NRG3: variants seen among roughly 807,000 people sequenced by gnomAD.
NRG3 encodes neuregulin 3, also known as pro-neuregulin-3, membrane-bound isoform.
A neutral mutation model predicts 66.9 loss-of-function variants in NRG3; 31 were observed. That is an observed-to-expected ratio of 0.46 (90% CI 0.35 to 0.63). The LOEUF is 0.63. Among genes scored for constraint, NRG3 ranks in the 20% least tolerant of loss-of-function variants. NRG3 has a pLI of 0.00. For synonymous variants in NRG3, 393 were observed against 359.4 expected, an observed-to-expected ratio of 1.09 and a Z score of -1.06; for missense variants, 910 against 878.9, an observed-to-expected ratio of 1.04 and a Z score of -0.45.
At chr10:82,612,271 G>A (rs958388903) in intron 2 of NRG3, among the ~76,000 whole-genome samples, 1 of 151,932 alleles carries the variant, frequency 6.6e-6, no homozygotes, top group Non-Finnish European at 1.5e-5. Flanking sequence ...TCTTAACGTT[G>A]TATGTCTTCC....
chr10:82,939,774 A>G (rs1051008750), intron 4 of NRG3, among the ~76,000 whole-genome samples: 2 of 151,716 alleles, frequency 1.3e-5, no homozygotes, highest in East Asian at 2.0e-4. Context: ...CCACCTTTCA[A>G]TGTTTTTTTA....
chr10:82,390,654 A>G (rs1202819580), intron 2 of NRG3, among the ~76,000 whole-genome samples: 1 of 152,162 alleles, frequency 6.6e-6, no homozygotes, highest in African/African-American at 2.4e-5. Context: ...GTCTTAACCT[A>G]GAGGTTAGCT....
intron 1 of NRG3, among the ~76,000 whole-genome samples, chr10:81,951,923 C>G (rs532006848): frequency 2.0e-5 from 3 of 152,202 alleles, no homozygotes; most frequent in Non-Finnish European, 4.4e-5. Flanking sequence ...ACATATACAC[C>G]ATGGAATACT....
At chr10:82,547,258 C>T (rs889628125) in intron 2 of NRG3, among the ~76,000 whole-genome samples, 1 of 151,764 alleles carries the variant, frequency 6.6e-6, no homozygotes, top group Non-Finnish European at 1.5e-5. Context: ...ATTTTATCCA[C>T]TTTAAATGGT....
chr10:82,938,758 TAGAAG>T (rs1022858695), intron 4 of NRG3, among the ~76,000 whole-genome samples: 27 of 152,328 alleles, frequency 1.8e-4, no homozygotes, highest in African/African-American at 5.8e-4. Flanking sequence ...AGGTCACAGC[TAGAAG>T]ATTCCCTTAA....
chr10:82,123,864 G>A (rs1168446629), intron 1 of NRG3, among the ~76,000 whole-genome samples: 1 of 149,900 alleles, frequency 6.7e-6, no homozygotes, highest in Admixed American at 6.7e-5. Flanking sequence ...GCAGCAATTG[G>A]CATTAGTTTC....
At chr10:82,223,270 A>G (rs1378720504) in intron 1 of NRG3, among the ~76,000 whole-genome samples, 1 of 152,186 alleles carries the variant, frequency 6.6e-6, no homozygotes, top group Non-Finnish European at 1.5e-5. Context: ...GGTCTAGAAC[A>G]TGGATAAAGC....
rs150916522 is a variant in NRG3 at position 82,004,614 on chromosome 10, C to A, written c.823+128451C>A. Among the ~76,000 whole-genome samples, 55 of 152,308 alleles carry A rather than the reference C, an allele frequency of 3.6e-4. 1 individual carries two copies. Among genetic ancestry groups the A allele is most frequent in the African/African-American group, 1.3e-3 (52 of 41,550 alleles). The stretch of plus-strand genomic sequence containing the variant: ...GGCTTTGGTTTAAATTGTTTCCTCT[C>A]TCCTTTTTCTAAATGTGTATGTTAA... On this transcript the variant is annotated intron_variant, in intron 1 of 8. Transcript: ENST00000372141.
intron 1 of NRG3, among the ~76,000 whole-genome samples, chr10:82,207,722 T>C (rs1027185371): frequency 9.9e-5 from 15 of 152,106 alleles, no homozygotes; most frequent in Non-Finnish European, 2.9e-5. Context: ...GCATAGACCT[T>C]CTTCATATGG....
chr10:82,475,080 A>G (rs775218576), intron 2 of NRG3, among the ~76,000 whole-genome samples: 5 of 152,052 alleles, frequency 3.3e-5, no homozygotes, highest in Non-Finnish European at 7.4e-5. Flanking sequence ...AGAAAAAGCT[A>G]GCAGAAAGAA....
In NRG3 at chr10:82,030,395, C is replaced by T. The variant is rs114972621; in HGVS notation, c.823+154232C>T. ...TTCAGGAAACAGACGTAACACAACT[C>T]TCTATACAAACCTCTGGGTCAGTTA... On this transcript the variant is annotated intron_variant, in intron 1 of 8. Coordinates refer to ENST00000372141, the MANE Select transcript of NRG3 (RefSeq NM_001010848.4). Among the ~76,000 whole-genome samples, 585 of 152,220 alleles carry T rather than the reference C, an allele frequency of 3.8e-3. 3 individuals carry two copies. Among genetic ancestry groups the T allele is most frequent in the African/African-American group, 0.013 (534 of 41,556 alleles).
At chr10:82,343,443 C>A (rs2082789507) in intron 1 of NRG3, among the ~76,000 whole-genome samples, 1 of 151,986 alleles carries the variant, frequency 6.6e-6, no homozygotes, top group African/African-American at 2.4e-5. Flanking sequence ...TTTGAAGAAT[C>A]AATATCATTA....
In NRG3 at chr10:82,023,522, A is replaced by G. The variant is rs573838029; in HGVS notation, c.823+147359A>G. Among the ~76,000 whole-genome samples, 20 of 152,028 alleles carry G rather than the reference A, an allele frequency of 1.3e-4. 1 individual carries two copies. In the Middle Eastern group the frequency reaches 0.01, roughly 78 times the overall value. On this transcript the variant is annotated intron_variant, in intron 1 of 8. Transcript: ENST00000372141. ...TATAAGTGGTCTTTATTATTTTGAG[A>G]TATGTTTCTTCTGTACACAATTTGT...
At chr10:82,554,641 G>C (rs677221) in intron 2 of NRG3, among the ~76,000 whole-genome samples, 74,376 of 151,916 alleles carry the variant, frequency 0.49, 21,428 homozygotes, top group African/African-American at 0.81. Flanking sequence ...ATGGAATAAT[G>C]TGAGGACCCC....
At position 82,286,455 on chromosome 10, in the gene NRG3, A is replaced by G. The variant is rs1024433248; in HGVS notation, c.824-72284A>G. ...TCATTGAATGCAAAGGGCAGAGGAAAATTCACACAGATAATTCGAAGTTTG... is the reference window on the plus strand; with the variant it reads ...TCATTGAATGCAAAGGGCAGAGGAAGATTCACACAGATAATTCGAAGTTTG... On this transcript the variant is annotated intron_variant, in intron 1 of 8. Coordinates refer to ENST00000372141, the MANE Select transcript of NRG3 (RefSeq NM_001010848.4). Among the ~76,000 whole-genome samples, 5 of 152,284 alleles carry G rather than the reference A, an allele frequency of 3.3e-5. No homozygotes were observed. In the East Asian group the frequency reaches 5.8e-4, roughly 18 times the overall value.
intron 1 of NRG3, among the ~76,000 whole-genome samples, chr10:82,119,220 T>C (rs905002031): frequency 1.3e-5 from 2 of 152,116 alleles, no homozygotes; most frequent in African/African-American, 4.8e-5. Context: ...AATACTGTAT[T>C]CTTAACCATA....
At chr10:81,921,464 C>A (rs929269992) in intron 1 of NRG3, among the ~76,000 whole-genome samples, 18 of 152,072 alleles carry the variant, frequency 1.2e-4, no homozygotes, top group Non-Finnish European at 8.8e-5. Context: ...TTCCCCAAGT[C>A]AAACCTCTTA....
intron 2 of NRG3, among the ~76,000 whole-genome samples, chr10:82,685,683 C>G (rs1341996765): frequency 4.6e-5 from 7 of 151,682 alleles, no homozygotes; most frequent in Non-Finnish European, 7.4e-5. Context: ...TGTAGTAATA[C>G]TTAGTTTAAA....
chr10:82,047,549 T>C (rs377740832), intron 1 of NRG3, among the ~76,000 whole-genome samples: 7 of 151,156 alleles, frequency 4.6e-5, no homozygotes, highest in Admixed American at 2.0e-4. Flanking sequence ...CAAGCAAATG[T>C]TGAGAGATTT....
Sources: gnomAD v4.1 joint callset for allele counts (sites outside exome capture counted in the v4.1 genomes callset) on GRCh38, gnomAD v4.1.1 for gene constraint, MANE v1.5 for transcripts, NCBI Gene and HGNC (gene_info 2026-07-23, HGNC 2026-07-21) for gene names.